The following ANKRD30BL variants were observed in gnomAD, a reference collection of about 807,000 sequenced individuals.
ANKRD30BL encodes the protein ankyrin repeat domain 30B like, also known as putative ankyrin repeat domain-containing protein 30B-like.
A neutral mutation model predicts 18.4 loss-of-function variants in ANKRD30BL; 20 were observed. That is an observed-to-expected ratio of 1.09 (90% CI 0.77 to 1.58). ANKRD30BL has a LOEUF of 1.58. ANKRD30BL is among the 40% of genes most tolerant of loss of function. ANKRD30BL has a pLI of 0.00. For synonymous variants in ANKRD30BL, 72 were observed against 100.9 expected (o/e 0.71, Z 1.72); for missense variants, 224 against 268.6 (o/e 0.83, Z 1.16).
chr2:132,220,089 G>C (rs796179742), intron 1 of ANKRD30BL, among the ~76,000 whole-genome samples: 1 of 152,218 alleles, frequency 6.6e-6, no homozygotes, highest in East Asian at 1.9e-4. Flanking sequence ...TCATAGAGCA[G>C]TTTTGATACA....
intron 1 of ANKRD30BL, among the ~76,000 whole-genome samples, chr2:132,214,011 A>T (rs541479458): frequency 7.2e-5 from 11 of 151,772 alleles, no homozygotes; most frequent in Non-Finnish European, 1.0e-4. Context: ...AGACAGAAGC[A>T]TTCTGTGAAA....
intron 1 of ANKRD30BL, among the ~76,000 whole-genome samples, chr2:132,226,933 T>G (rs1679863629): frequency 6.6e-6 from 1 of 151,526 alleles, no homozygotes; most frequent in African/African-American, 2.4e-5. Flanking sequence ...ACTCACAGAG[T>G]TAAACCTTTG....
At chr2:132,240,259 T>C (rs1337846779) in intron 1 of ANKRD30BL, among the ~76,000 whole-genome samples, 1 of 151,858 alleles carries the variant, frequency 6.6e-6, no homozygotes, top group Non-Finnish European at 1.5e-5. Flanking sequence ...AACACTCTTC[T>C]TGTAGAATTT....
At chr2:132,175,092 A>G (rs770215705) in intron 1 of ANKRD30BL, among the ~76,000 whole-genome samples, 1 of 152,212 alleles carries the variant, frequency 6.6e-6, no homozygotes, top group African/African-American at 2.4e-5. Context: ...GAGAAAAGAA[A>G]TAAGACACAG....
At chr2:132,169,240 G>A (rs1385989420) in intron 1 of ANKRD30BL, among the ~76,000 whole-genome samples, 1 of 152,184 alleles carries the variant, frequency 6.6e-6, no homozygotes, top group Non-Finnish European at 1.5e-5. Context: ...AATAAATTGG[G>A]TTTCTTTGGT....
chr2:132,172,384 G>T (rs1688297822), intron 1 of ANKRD30BL, among the ~76,000 whole-genome samples: 1 of 152,100 alleles, frequency 6.6e-6, no homozygotes, highest in African/African-American at 2.4e-5. Context: ...ACTAACACTT[G>T]TTATTTTCTG....
At chr2:132,184,336 C>G (rs561989263) in intron 1 of ANKRD30BL, among the ~76,000 whole-genome samples, 79 of 152,208 alleles carry the variant, frequency 5.2e-4, no homozygotes, top group Non-Finnish European at 4.6e-4. Flanking sequence ...GGTTTGTGAG[C>G]AGAGATTATT....
At chr2:132,160,751 T>C (rs1027009221) in intron 1 of ANKRD30BL, among the ~76,000 whole-genome samples, 5 of 152,096 alleles carry the variant, frequency 3.3e-5, no homozygotes, top group Non-Finnish European at 5.9e-5. Context: ...TGCAAATTAA[T>C]AGCACATTTT....
intron 1 of ANKRD30BL, among the ~76,000 whole-genome samples, chr2:132,228,702 C>G (rs186318389): frequency 6.8e-6 from 1 of 147,760 alleles, no homozygotes; most frequent in Admixed American, 6.6e-5. Flanking sequence ...TTTGGAAGCA[C>G]TCTTTTTGTA....
intron 1 of ANKRD30BL, among the ~76,000 whole-genome samples, chr2:132,157,672 A>G (rs1687947645): frequency 6.6e-6 from 1 of 152,176 alleles, no homozygotes; most frequent in Non-Finnish European, 1.5e-5. Context: ...ATATTACTTT[A>G]AAGTCTTTCA....
intron 1 of ANKRD30BL, among the ~76,000 whole-genome samples, chr2:132,252,851 C>T (rs540851509): frequency 6.6e-6 from 1 of 152,172 alleles, no homozygotes; most frequent in Non-Finnish European, 1.5e-5. Context: ...AGGGAGGAAC[C>T]CAGACCGTGA....
intron 1 of ANKRD30BL, among the ~76,000 whole-genome samples, chr2:132,217,034 C>T (rs947725248): frequency 1.2e-4 from 18 of 149,192 alleles, no homozygotes; most frequent in Non-Finnish European, 1.6e-4. Context: ...CTCTTTTTGA[C>T]GAATCTGCAA....
At chr2:132,210,075 T>G (rs1470911191) in intron 1 of ANKRD30BL, among the ~76,000 whole-genome samples, 1 of 152,204 alleles carries the variant, frequency 6.6e-6, no homozygotes, top group Non-Finnish European at 1.5e-5. Flanking sequence ...CTTCATGATG[T>G]GTGCATTCAA....
intron 1 of ANKRD30BL, among the ~76,000 whole-genome samples, chr2:132,235,516 A>G (rs1383083014): frequency 6.6e-6 from 1 of 152,154 alleles, no homozygotes; most frequent in Non-Finnish European, 1.5e-5. Context: ...CAATGTACAA[A>G]AATCACAAGC....
rs1167066357 is a variant in ANKRD30BL, at chr2:132,220,618, G to A, written n.441+36911C>T. Among the ~76,000 whole-genome samples the A allele has an allele frequency of 2.6e-5, 4 of 151,970 alleles. No individual in the cohort carries two copies. In the East Asian group the frequency reaches 5.8e-4, roughly 22 times the overall value. On this transcript the variant is annotated intron_variant and non_coding_transcript_variant, in intron 1 of 4. Coordinates refer to the ANKRD30BL transcript ENST00000470729. ...TAACCGCGAGTGATCCGCCAGCCTC[G>A]GCCTCCCGAGGTGCCGGGATTGCAG...
chr2:132,222,988 T>G (rs200994389), intron 1 of ANKRD30BL, among the ~76,000 whole-genome samples: 3 of 152,092 alleles, frequency 2.0e-5, no homozygotes, highest in African/African-American at 7.2e-5. Flanking sequence ...TTTCTGATGT[T>G]TGCATTCAAC....
intron 1 of ANKRD30BL, among the ~76,000 whole-genome samples, chr2:132,246,580 G>T (rs1449078170): frequency 2.6e-5 from 4 of 151,722 alleles, no homozygotes; most frequent in African/African-American, 9.7e-5. Flanking sequence ...TCTTTTTGTA[G>T]AATTTGCAAG....
At chr2:132,240,897 A>T (rs1375659683) in intron 1 of ANKRD30BL, among the ~76,000 whole-genome samples, 4 of 151,968 alleles carry the variant, frequency 2.6e-5, no homozygotes, top group African/African-American at 4.8e-5. Context: ...CTCAACTGTC[A>T]GAATTGAACC....
chr2:132,200,086 T>C (rs1174914522), intron 1 of ANKRD30BL, among the ~76,000 whole-genome samples: 2 of 152,050 alleles, frequency 1.3e-5, no homozygotes, highest in African/African-American at 2.4e-5. Flanking sequence ...TTTGACAAAA[T>C]TCAACAACCC....
Sources: gnomAD v4.1 joint callset for allele counts (sites outside exome capture counted in the v4.1 genomes callset) on GRCh38, gnomAD v4.1.1 for gene constraint, MANE v1.5 for transcripts, NCBI Gene and HGNC (gene_info 2026-07-23, HGNC 2026-07-21) for gene names.